TRPM3: variants seen among roughly 807,000 people sequenced by gnomAD.
The protein encoded by TRPM3 is transient receptor potential cation channel subfamily M member 3.
Under a neutral mutation model 181.2 loss-of-function variants are expected in TRPM3, and 77 were observed. The observed-to-expected ratio is 0.42, with a 90% CI of 0.35 to 0.51. The LOEUF is 0.51. TRPM3 is among the 20% of genes least tolerant of loss of function. TRPM3 has a pLI of 0.01. For missense variants in TRPM3, 1,759 were observed against 2,196.7 expected (o/e 0.80, Z 3.98); for synonymous variants, 745 against 796.4 (o/e 0.94, Z 1.09).
At chr9:70,787,106 TTTA>T (rs1299483405) in intron 6 of TRPM3, among the ~76,000 whole-genome samples, 2 of 152,210 alleles carry the variant, frequency 1.3e-5, no homozygotes, top group Non-Finnish European at 2.9e-5. Context: ...ACATGGTCAG[TTTA>T]TTCTCTGTCA....
chr9:71,052,226 C>T (rs1406425295), intron 1 of TRPM3, among the ~76,000 whole-genome samples: 18 of 152,060 alleles, frequency 1.2e-4, no homozygotes, highest in Admixed American at 1.2e-3. Flanking sequence ...TATTTAGACA[C>T]CATATATTTT....
intron 1 of TRPM3, among the ~76,000 whole-genome samples, chr9:70,903,964 T>G (rs781298656): frequency 1.3e-5 from 2 of 152,062 alleles, no homozygotes; most frequent in Non-Finnish European, 2.9e-5. Context: ...AAAAAAATAC[T>G]GTAATTCCAT....
At chr9:70,998,888 T>C (rs2097571318) in intron 1 of TRPM3, among the ~76,000 whole-genome samples, 1 of 152,180 alleles carries the variant, frequency 6.6e-6, no homozygotes, top group Non-Finnish European at 1.5e-5. Context: ...TCTCCTCTCT[T>C]ATCCCCTGCT....
In TRPM3 at chr9:70,949,544, A is replaced by AT. The variant is rs74311989; in HGVS notation, c.178-85034dup. On this transcript the variant is annotated intron_variant, in intron 1 of 25. Transcript: ENST00000677713. Reference sequence around the variant, plus strand: ...CCCCATGCAGGGGAGTTTGAATGTAATTTTTTTTTTTTTTAGTGATGGGGT... The same window carrying AT: ...CCCCATGCAGGGGAGTTTGAATGTAATTTTTTTTTTTTTTTAGTGATGGGGT... Among the ~76,000 whole-genome samples the AT allele has an allele frequency of 3.1e-3, 442 of 143,790 alleles. 1 individual carries two copies. Among genetic ancestry groups the AT allele is most frequent in the African/African-American group, 5.0e-3 (197 of 39,316 alleles). 94.3% of individuals were successfully genotyped at this position (143,790 alleles called of 152,430 possible).
At chr9:71,092,834 T>C (rs1225672710) in intron 1 of TRPM3, among the ~76,000 whole-genome samples, 1 of 152,178 alleles carries the variant, frequency 6.6e-6, no homozygotes, top group Non-Finnish European at 1.5e-5. Flanking sequence ...TCATGCTACC[T>C]AACTTCAAAT....
At chr9:70,859,209 G>T (rs997357381) in intron 3 of TRPM3, among the ~76,000 whole-genome samples, 3 of 152,140 alleles carry the variant, frequency 2.0e-5, no homozygotes, top group Non-Finnish European at 4.4e-5. Flanking sequence ...GTTCCACAAA[G>T]TATATAGCTG....
At chr9:70,936,124 A>G (rs2133476316) in intron 1 of TRPM3, among the ~76,000 whole-genome samples, 1 of 152,336 alleles carries the variant, frequency 6.6e-6, no homozygotes, top group South Asian at 2.1e-4. Flanking sequence ...TAACTTTATA[A>G]TTTACTGTCT....
intron 1 of TRPM3, among the ~76,000 whole-genome samples, chr9:70,897,922 A>G (rs914138200): frequency 6.6e-6 from 1 of 151,450 alleles, no homozygotes; most frequent in Non-Finnish European, 1.5e-5. Context: ...GGGAGTTGTT[A>G]TTAAACAACA....
At chr9:70,938,145 G>T (rs938153565) in intron 1 of TRPM3, among the ~76,000 whole-genome samples, 12 of 152,204 alleles carry the variant, frequency 7.9e-5, no homozygotes, top group African/African-American at 2.7e-4. Context: ...GTCTGGGGCA[G>T]AGGGAGCTAG....
chr9:71,010,640 G>A (rs555466086), intron 1 of TRPM3, among the ~76,000 whole-genome samples: 6 of 152,012 alleles, frequency 3.9e-5, no homozygotes, highest in Non-Finnish European at 8.8e-5. Context: ...ATGCTAGGGA[G>A]AATGTGAAAA....
At chr9:71,339,650 C>T (rs1474030259) in intron 1 of TRPM3, among the ~76,000 whole-genome samples, 1 of 152,018 alleles carries the variant, frequency 6.6e-6, no homozygotes, top group Non-Finnish European at 1.5e-5. Flanking sequence ...TTCATCATGC[C>T]ATACATAGCG....
chr9:70,531,859 A>T lies in TRPM3; in HGVS notation c.*4094T>A, dbSNP rs1426151897. 6.6e-6 allele frequency: 1 copy of T among 152,214 alleles called. No homozygotes were observed. The highest frequency in any genetic ancestry group is 6.5e-5 in the Admixed American group (1 of 15,276). The allele number at this position is 152,214 out of a possible 1,614,324, so 9.4% of individuals were successfully genotyped here. ...ACATCAGCTTACACACATATTTTAC[A>T]GTGGTCCAAAGGAACATGAAAAGCA... On this transcript the variant is annotated 3_prime_UTR_variant, in exon 26 of 26. Transcript: ENST00000677713.
chr9:71,148,855 G>T (rs2075576218), intron 1 of TRPM3, among the ~76,000 whole-genome samples: 1 of 152,094 alleles, frequency 6.6e-6, no homozygotes, highest in African/African-American at 2.4e-5. Flanking sequence ...CAAATCTGTG[G>T]TCATTATAGT....
intron 9 of TRPM3, among the ~76,000 whole-genome samples, chr9:70,659,026 C>T (rs1179757825): frequency 6.6e-6 from 1 of 152,050 alleles, no homozygotes; most frequent in Non-Finnish European, 1.5e-5. Flanking sequence ...AAATTTGGAG[C>T]ATATTTTTTT....
At chr9:71,350,223 T>C (rs2091543643) in intron 1 of TRPM3, among the ~76,000 whole-genome samples, 1 of 152,144 alleles carries the variant, frequency 6.6e-6, no homozygotes, top group Non-Finnish European at 1.5e-5. Context: ...ACAATTTATA[T>C]ACTGTTTCAA....
intron 1 of TRPM3, among the ~76,000 whole-genome samples, chr9:70,920,536 T>C (rs1394362742): frequency 6.6e-6 from 1 of 152,142 alleles, no homozygotes; most frequent in Non-Finnish European, 1.5e-5. Context: ...AAATAACAGA[T>C]TTTGGTCACT....
chr9:70,878,983 T>C (rs2095928002), intron 1 of TRPM3, among the ~76,000 whole-genome samples: 1 of 152,024 alleles, frequency 6.6e-6, no homozygotes. Flanking sequence ...GCAATAACAG[T>C]TTTATAGCTA....
chr9:70,972,548 G>T (rs1564876711), intron 1 of TRPM3, among the ~76,000 whole-genome samples: 1 of 152,162 alleles, frequency 6.6e-6, no homozygotes, highest in African/African-American at 2.4e-5. Flanking sequence ...GAATTCGAGA[G>T]TGATGAGGGA....
intron 1 of TRPM3, among the ~76,000 whole-genome samples, chr9:71,414,452 A>G (rs989041883): frequency 3.9e-5 from 6 of 152,246 alleles, no homozygotes; most frequent in Admixed American, 3.9e-4. Context: ...TAGAGAACTA[A>G]TATGAACAAA....
Sources: gnomAD v4.1 joint callset for allele counts (sites outside exome capture counted in the v4.1 genomes callset) on GRCh38, gnomAD v4.1.1 for gene constraint, MANE v1.5 for transcripts, NCBI Gene and HGNC (gene_info 2026-07-23, HGNC 2026-07-21) for gene names.